Variants in DEDD observed in about 807,000 individuals in gnomAD.
DEDD encodes death effector domain containing.
In DEDD, 3 loss-of-function variants were observed where a neutral mutation model predicts 29.2. The observed-to-expected ratio is 0.10, with a 90% CI of 0.05 to 0.27. The LOEUF (loss-of-function observed/expected upper bound fraction) is 0.27. DEDD is among the 10% of genes least tolerant of loss of function. The pLI is 1.00. For synonymous variants in DEDD, 152 were observed against 161.3 expected, an observed-to-expected ratio of 0.94 and a Z score of 0.44; for missense variants, 261 against 420.5, an observed-to-expected ratio of 0.62 and a Z score of 3.32.
rs1031152074 is a variant in DEDD, at chr1:161,121,448, T to C, written c.*699A>G. The C allele has an allele frequency of 7.8e-5, 12 of 154,606 alleles. No individual in the cohort carries two copies. Among genetic ancestry groups the C allele is most frequent in the South Asian group, 2.0e-4 (1 of 5,020 alleles). 9.6% of individuals were successfully genotyped at this position (154,606 alleles called of 1,614,324 possible). The stretch of plus-strand genomic sequence containing the variant: ...ACCTCTTCTCCATCCACCCTGTGTA[T>C]GTGTGTACACATATACCACCACAGT... On this transcript the variant is annotated 3_prime_UTR_variant, in exon 6 of 6. Transcript: ENST00000368006.
chr1:161,128,812 A>G (rs1656392781), intron 2 of DEDD, among the ~76,000 whole-genome samples: 1 of 152,064 alleles, frequency 6.6e-6, no homozygotes. Context: ...ATTCCAGAAG[A>G]AAAGAAAAGC....
chr1:161,124,694 G>T, intron 2 of DEDD, 168 bp from the exon 3 acceptor site: 1 of 877,112 alleles, frequency 1.1e-6, no homozygotes, highest in Non-Finnish European at 1.6e-6. Context: ...AGGCACAGGG[G>T]CTCACACCTG....
upstream of DEDD, chr1:161,132,667 TG>T: frequency 1.2e-5 from 2 of 165,998 alleles, no homozygotes; most frequent in Non-Finnish European, 2.5e-5. Flanking sequence ...GCCGCGGCCG[TG>T]GGGGAGGGGA....
chr1:161,121,189 C>T lies in DEDD; in HGVS notation c.*958G>A, dbSNP rs1347858734. 1.9e-6 allele frequency: 2 copies of T among 1,038,762 alleles called. No individual in the cohort carries two copies. The highest frequency in any genetic ancestry group is 1.2e-6 in the Non-Finnish European group (1 of 861,048). The allele number at this position is 1,038,762 out of a possible 1,614,324, so 64.3% of individuals were successfully genotyped here. The stretch of plus-strand genomic sequence containing the variant: ...CCTCCCTACCTAAATAAAAGTGCAA[C>T]ACTCAGTGCATGTCCCAGCCCCATT... On this transcript the variant is annotated 3_prime_UTR_variant, in exon 6 of 6. Transcript: ENST00000368006.
In DEDD at chr1:161,124,076, A is replaced by G. The variant is rs558129603; in HGVS notation, c.325+62T>C. ...AATGTGTCCTCCCCTTTGGACGCCT[A>G]TGCTGCTCCTTCCTGGCCTCCCACA... On this transcript the variant is annotated intron_variant, in intron 3 of 5. Transcript: ENST00000368006. 2.5e-6 allele frequency: 4 copies of G among 1,582,408 alleles called. No individual in the cohort carries two copies. In the East Asian group the frequency reaches 9.0e-5, roughly 35 times the overall value.
intron 1 of DEDD, among the ~76,000 whole-genome samples, chr1:161,131,466 G>GA (rs1283728322): frequency 6.6e-6 from 1 of 152,084 alleles, no homozygotes; most frequent in Non-Finnish European, 1.5e-5. Context: ...AACCTGTCTA[G>GA]ATGCCACTCT....
rs980091264 is a variant in DEDD at position 161,124,328 on chromosome 1, A to G, written c.135T>C (p.Leu45=). Residue 45 remains leucine, a synonymous_variant, in exon 3 of 6, where the codon CTT becomes CTC. Coordinates refer to ENST00000368006, the MANE Select transcript of DEDD (RefSeq NM_032998.3). The stretch of plus-strand genomic sequence containing the variant: ...CAATGACATCAACAAAGAGGAAAGA[A>G]AGCACGCGCACATCTCTGTGTGTCA... The part of the protein sequence containing the change: ...THLTHRDVRV[L]SFLFVDVIDD... The G allele has an allele frequency of 1.2e-6, 2 of 1,614,246 alleles. No individual in the cohort carries two copies. The highest frequency in any genetic ancestry group is 1.7e-6 in the Non-Finnish European group (2 of 1,180,050).
intron 1 of DEDD, chr1:161,132,303 ATGCCCTCACTCCTCCGTCTCGACCCC>A (rs1472685493): frequency 9.4e-6 from 1 of 106,814 alleles, no homozygotes; most frequent in East Asian, 2.6e-4. Context: ...GCCCCTCCCC[ATGCCCTCACTCCTCCGTCTCGACCCC>A]TGCCCTCTCC....
At chr1:161,128,251 T>C (rs1656348344) in intron 2 of DEDD, among the ~76,000 whole-genome samples, 1 of 152,152 alleles carries the variant, frequency 6.6e-6, no homozygotes, top group Non-Finnish European at 1.5e-5. Context: ...TTATTATGCC[T>C]GGTGGGGAAG....
At chr1:161,131,737 A>G (rs1656684239) in intron 1 of DEDD, among the ~76,000 whole-genome samples, 1 of 151,998 alleles carries the variant, frequency 6.6e-6, no homozygotes. Flanking sequence ...CCACATGACC[A>G]TTCCCTTCTG....
In DEDD at chr1:161,123,168, T is replaced by C. The variant is rs766698121; in HGVS notation, c.487A>G (p.Ser163Gly). ...GCTCTCCCTCGGGCTGGCCGCTTGC[T>C]ACACATCTGAGGACCCGAAGTGGGG... ...CCPTSGPQMC[S>G]KRPARGRATL... The change falls in exon 5 of 6, where the codon AGC (serine) becomes GGC (glycine). Residue 163 changes from serine to glycine, a missense_variant. By Grantham distance (56) the Ser-to-Gly change is moderately conservative. This residue lies in a region of DEDD where 203 missense variants were observed against 268.7 expected (regional missense o/e 0.76). Coordinates refer to ENST00000368006, the MANE Select transcript of DEDD (RefSeq NM_032998.3). 2 of 1,614,060 alleles carry C rather than the reference T, an allele frequency of 1.2e-6. No homozygotes were observed. Among genetic ancestry groups the C allele is most frequent in the East Asian group, 2.2e-5 (1 of 44,894 alleles).
chr1:161,123,909 T>C lies in DEDD; in HGVS notation c.363A>G (p.Thr121=), dbSNP rs1425194225. 6.2e-7 allele frequency: 1 copy of C among 1,614,080 alleles called. No individual in the cohort carries two copies. The highest frequency in any genetic ancestry group is 2.2e-5 in the East Asian group (1 of 44,876). ...CTCTGGGGGTCACATAGCGAATTGA[T>C]GTCTCCTCCAGATACTTGTCTACAA... ...PDLVDKYLEE[T]SIRYVTPRAL... Residue 121 remains threonine (T), a synonymous_variant, in exon 4 of 6, where the codon ACA becomes ACG. Coordinates refer to ENST00000368006, the MANE Select transcript of DEDD (RefSeq NM_032998.3).
chr1:161,123,521 AGCTACT>A (rs1655781136), intron 4 of DEDD, among the ~76,000 whole-genome samples: 1 of 151,840 alleles, frequency 6.6e-6, no homozygotes, highest in Non-Finnish European at 1.5e-5. Flanking sequence ...CTGTAGTCCC[AGCTACT>A]CAGGAGGCTG....
At chr1:161,124,599 G>A (rs1655954888) in intron 2 of DEDD, 73 bp from the exon 3 acceptor site, 2 of 1,447,132 alleles carry the variant, frequency 1.4e-6, no homozygotes, top group Admixed American at 2.8e-5. Context: ...CATATTCCCA[G>A]TTGCTAACAA....
rs1655908419 is a variant in DEDD at position 161,124,279 on chromosome 1, G to A, written c.184C>T (p.Arg62Ter). The change falls in exon 3 of 6, where the codon CGA becomes TGA. Residue 62 changes from arginine to a stop codon, truncating the protein, a stop_gained. Coordinates refer to ENST00000368006, the MANE Select transcript of DEDD (RefSeq NM_032998.3). LOFTEE classifies it high-confidence loss of function. ...VIDDHERGLI[R>*]NGRDFLLALE... ...GCCAATAAGAAGTCACGTCCATTTC[G>A]GATGAGTCCACGCTCGTGGTCATCA... 1 of 1,614,206 alleles carries A rather than the reference G, an allele frequency of 6.2e-7. No individual in the cohort carries two copies. Among genetic ancestry groups the A allele is most frequent in the Non-Finnish European group, 8.5e-7 (1 of 1,180,028 alleles).
Position 161,124,756 on chromosome 1 carries a change from G to A in DEDD, c.-64-230C>T, listed in dbSNP as rs534348298. ...GCAGGAGGATCACTTGAGCCCAGGCGTTTAAGACCAGCCTGGGCAACATAG... is the reference window on the plus strand; with the variant it reads ...GCAGGAGGATCACTTGAGCCCAGGCATTTAAGACCAGCCTGGGCAACATAG... On this transcript the variant is annotated intron_variant, in intron 2 of 5. Transcript: ENST00000368006. 154 of 362,334 alleles carry A rather than the reference G, an allele frequency of 4.3e-4. 2 individuals are homozygous for A. The East Asian group carries it at 5.5e-3, about 13-fold the overall frequency. 22.4% of individuals were successfully genotyped at this position (362,334 alleles called of 1,614,324 possible). A position where few individuals can be genotyped will look rare whatever the true frequency, so the allele number is the denominator to read the frequency against.
At position 161,126,340 on chromosome 1, in the gene DEDD, ACT is replaced by A. The variant is rs1191358782; in HGVS notation, c.-64-1816_-64-1815del. On this transcript the variant is annotated intron_variant, in intron 2 of 5. Transcript: ENST00000368006. ...ATCGTTATCTATAAGAACACTCCAA[ACT>A]CTTTTTTTTTTTTTTTTTTTTGAGA... Among the ~76,000 whole-genome samples the A allele has an allele frequency of 2.4e-3, 332 of 136,610 alleles. 2 individuals carry two copies. Among genetic ancestry groups the A allele is most frequent in the African/African-American group, 8.5e-3 (309 of 36,248 alleles). The allele number at this position is 136,610 out of a possible 152,430, so 89.6% of individuals were successfully genotyped here.
chr1:161,121,096 GA>G lies in DEDD; in HGVS notation c.*1050del, dbSNP rs760980611. 47 of 1,157,946 alleles carry G rather than the reference GA, an allele frequency of 4.1e-5. No homozygotes were observed. Among genetic ancestry groups the G allele is most frequent in the Non-Finnish European group, 4.8e-5 (45 of 931,752 alleles). 71.7% of individuals were successfully genotyped at this position (1,157,946 alleles called of 1,614,324 possible). On this transcript the variant is annotated 3_prime_UTR_variant, in exon 6 of 6. Transcript: ENST00000368006. ...GTCTGGACATCGCCTTTGGGAACTA[GA>G]AGGGGAGTTGGTATTGTACCAGCTG...
At chr1:161,125,384 A>G (rs1358004000) in intron 2 of DEDD, 1 of 152,212 alleles carries the variant, frequency 6.6e-6, no homozygotes, top group African/African-American at 2.4e-5. Flanking sequence ...AACTGCTCAG[A>G]AAGTTTATCA....
Sources: gnomAD v4.1 joint callset for allele counts (sites outside exome capture counted in the v4.1 genomes callset) on GRCh38, gnomAD v4.1.1 for gene constraint, gnomAD v4.1.1 regional missense constraint, MANE v1.5 for transcripts, NCBI Gene and HGNC (gene_info 2026-07-23, HGNC 2026-07-21) for gene names.